The following C2CD3 variants were observed in gnomAD, a reference collection of about 807,000 sequenced individuals.
The protein encoded by C2CD3 is C2 domain containing 3 centriole elongation regulator.
Under a neutral mutation model 234.0 loss-of-function variants are expected in C2CD3, and 148 were observed. The ratio of observed to expected loss-of-function variants is 0.63; its 90% CI spans 0.55 to 0.72. The LOEUF (loss-of-function observed/expected upper bound fraction) is 0.72, where lower values mean the gene tolerates loss of function less well. Among genes scored for constraint, C2CD3 ranks in the 30% least tolerant of loss-of-function variants. The pLI is 0.00. For missense variants in C2CD3, 2,577 were observed against 2,811.5 expected, an observed-to-expected ratio of 0.92 and a Z score of 1.89; for synonymous variants, 1,000 against 1,035.4, an observed-to-expected ratio of 0.97 and a Z score of 0.66.
intron 31 of C2CD3, among the ~76,000 whole-genome samples, chr11:74,030,524 A>G (rs1430937530): frequency 6.6e-6 from 1 of 152,152 alleles, no homozygotes; most frequent in Non-Finnish European, 1.5e-5. Context: ...ACTCTGCAGC[A>G]TCTGCTCCTA....
intron 20 of C2CD3, among the ~76,000 whole-genome samples, chr11:74,088,109 C>CA (rs1955725023): frequency 1.3e-5 from 2 of 152,090 alleles, no homozygotes; most frequent in East Asian, 1.9e-4. Flanking sequence ...AGAGGCAATG[C>CA]AAAATTTACT....
chr11:74,098,544 T>C (rs1383254783), intron 15 of C2CD3, among the ~76,000 whole-genome samples: 1 of 152,136 alleles, frequency 6.6e-6, no homozygotes, highest in African/African-American at 2.4e-5. Flanking sequence ...TCATGGAGCT[T>C]TGCTAAACTG....
At chr11:74,169,990 C>T (rs1467487625) in intron 1 of C2CD3, among the ~76,000 whole-genome samples, 1 of 152,126 alleles carries the variant, frequency 6.6e-6, no homozygotes, top group African/African-American at 2.4e-5. Flanking sequence ...TCGAGGCAGT[C>T]TTGTAGAGAT....
Position 74,152,511 on chromosome 11 carries a change from A to C in C2CD3, c.483+8888T>G, listed in dbSNP as rs576796263. Among the ~76,000 whole-genome samples, 115 of 152,312 alleles carry C rather than the reference A, an allele frequency of 7.6e-4. 1 individual carries two copies. The highest frequency in any genetic ancestry group is 2.7e-3 in the African/African-American group (112 of 41,564). On this transcript the variant is annotated intron_variant, in intron 3 of 32. Transcript: ENST00000334126. ...AACTCTTCCAATAAACAGAGGAGGA[A>C]CTCTTCTAAAATCATTTTATGCCAG...
At chr11:74,043,364 T>C (rs1274745819) in intron 28 of C2CD3, among the ~76,000 whole-genome samples, 1 of 152,250 alleles carries the variant, frequency 6.6e-6, no homozygotes. Context: ...TGGATAGATA[T>C]ACCACATTTT....
At chr11:74,110,389 G>A (rs1230122520) in intron 11 of C2CD3, 4 of 152,138 alleles carry the variant, frequency 2.6e-5, no homozygotes, top group Admixed American at 6.5e-5. Context: ...ATTAACTGGC[G>A]ACTCTATACT....
At chr11:74,049,282 T>C in intron 27 of C2CD3, 55 bp downstream of exon 27, 1 of 1,429,384 alleles carries the variant, frequency 7.0e-7, no homozygotes, top group South Asian at 1.2e-5. Context: ...GTAAAGGATG[T>C]TCTTATAGGT....
intron 8 of C2CD3, among the ~76,000 whole-genome samples, chr11:74,119,598 T>A (rs977829618): frequency 1.3e-5 from 2 of 151,878 alleles, no homozygotes; most frequent in Admixed American, 6.6e-5. Context: ...TTAATTTAAA[T>A]AAGCATGATA....
chr11:74,158,722 C>CA (rs199754445), intron 3 of C2CD3, among the ~76,000 whole-genome samples: 45 of 130,966 alleles, frequency 3.4e-4, no homozygotes, highest in East Asian at 1.1e-3. Flanking sequence ...AACTTCGTCT[C>CA]AAAAAAAAAA....
intron 23 of C2CD3, among the ~76,000 whole-genome samples, chr11:74,077,817 A>AGTCTCT (rs1565263190): frequency 6.8e-5 from 2 of 29,510 alleles, no homozygotes; most frequent in Admixed American, 3.6e-4. Flanking sequence ...ATATATATAT[A>AGTCTCT]TATATATATA....
At chr11:74,126,043 T>C (rs1371064653) in intron 7 of C2CD3, among the ~76,000 whole-genome samples, 1 of 152,204 alleles carries the variant, frequency 6.6e-6, no homozygotes, top group African/African-American at 2.4e-5. Flanking sequence ...GTAGAAGACA[T>C]TTTCCTGTGG....
chr11:74,136,045 T>A (rs1441477738), intron 5 of C2CD3, among the ~76,000 whole-genome samples: 1 of 151,722 alleles, frequency 6.6e-6, no homozygotes, highest in African/African-American at 2.4e-5. Context: ...GGATCATTCA[T>A]ACCCCAATTC....
intron 21 of C2CD3, 97 bp downstream of exon 21, chr11:74,085,521 C>T (rs1055711773): frequency 1.6e-6 from 2 of 1,253,602 alleles, no homozygotes; most frequent in African/African-American, 3.0e-5. Flanking sequence ...TGACTCCTCA[C>T]CTTTAAATAC....
intron 12 of C2CD3, 133 bp downstream of exon 12, chr11:74,108,901 A>G (rs1314824195): frequency 4.4e-5 from 18 of 405,994 alleles, no homozygotes; most frequent in Non-Finnish European, 7.9e-5. Flanking sequence ...AATAATAATA[A>G]TAATAATAAT....
intron 32 of C2CD3, among the ~76,000 whole-genome samples, chr11:74,019,845 C>G (rs190192073): frequency 6.6e-6 from 1 of 152,184 alleles, no homozygotes; most frequent in Non-Finnish European, 1.5e-5. Flanking sequence ...AATTCTATCC[C>G]TTGGTTTAGA....
chr11:74,119,486 T>C (rs1027554696), intron 8 of C2CD3, among the ~76,000 whole-genome samples: 2 of 152,116 alleles, frequency 1.3e-5, no homozygotes, highest in Non-Finnish European at 1.5e-5. Context: ...TAATATAAAT[T>C]CAGGACACAA....
intron 8 of C2CD3, among the ~76,000 whole-genome samples, chr11:74,121,377 T>A (rs1180281149): frequency 1.3e-5 from 2 of 151,688 alleles, no homozygotes; most frequent in South Asian, 4.2e-4. Flanking sequence ...GAGGCTGAGG[T>A]GCGCGGACCA....
At chr11:74,150,492 CAAAAAAA>C (rs769668218) in intron 3 of C2CD3, among the ~76,000 whole-genome samples, 3 of 16,246 alleles carry the variant, frequency 1.8e-4, no homozygotes, top group African/African-American at 7.7e-4. Flanking sequence ...GACCCTGTCT[CAAAAAAA>C]AAAAAAAAAA....
At chr11:74,071,374 A>G (rs1442496517) in intron 24 of C2CD3, among the ~76,000 whole-genome samples, 1 of 152,196 alleles carries the variant, frequency 6.6e-6, no homozygotes, top group African/African-American at 2.4e-5. Flanking sequence ...AAGCCCATGC[A>G]GTCCTTCCTC....
Sources: gnomAD v4.1 joint callset for allele counts (sites outside exome capture counted in the v4.1 genomes callset) on GRCh38, gnomAD v4.1.1 for gene constraint, MANE v1.5 for transcripts, NCBI Gene and HGNC (gene_info 2026-07-23, HGNC 2026-07-21) for gene names.